The following DPP6 variants were observed in gnomAD, a reference collection of about 807,000 sequenced individuals.
DPP6 encodes A-type potassium channel modulatory protein DPP6.
In DPP6, 69 loss-of-function variants were observed where a neutral mutation model predicts 122.6. The observed-to-expected ratio is 0.56, with a 90% confidence interval of 0.46 to 0.69. DPP6 has a LOEUF of 0.69. DPP6 is among the 30% of genes least tolerant of loss of function. DPP6 has a pLI of 0.00. For synonymous variants in DPP6, 418 were observed against 433.1 expected (o/e 0.97, Z 0.43); for missense variants, 928 against 1,116.9 (o/e 0.83, Z 2.41).
chr7:154,805,484 A>G (rs969591634), intron 15 of DPP6, among the ~76,000 whole-genome samples: 2 of 151,078 alleles, frequency 1.3e-5, no homozygotes, highest in Non-Finnish European at 3.0e-5. Context: ...ATTTGGGATC[A>G]GGGTAGGTAA....
At chr7:153,842,394 A>T in the DPP6 span, among the ~76,000 whole-genome samples, 1 of 152,188 alleles carries the variant, frequency 6.6e-6, no homozygotes, top group African/African-American at 2.4e-5. Context: ...GTTATAATTC[A>T]ATATTCCTGT....
chr7:154,771,873 G>T (rs1313952360), intron 9 of DPP6, among the ~76,000 whole-genome samples: 1 of 152,186 alleles, frequency 6.6e-6, no homozygotes, highest in Non-Finnish European at 1.5e-5. Context: ...AAGTGTATGG[G>T]ACTGATGCTA....
At chr7:154,009,380 G>C (rs1255950979) in intron 1 of DPP6, among the ~76,000 whole-genome samples, 1 of 122,942 alleles carries the variant, frequency 8.1e-6, no homozygotes. Flanking sequence ...ACAGGGTTTA[G>C]CCAGCGCTCA....
Position 154,457,985 on chromosome 7 carries a change from AAAG to A in DPP6, c.358+11661_358+11663del, listed in dbSNP as rs1440880988. ...CTTAGAGTATAATAAAAAAAAAAAA[AAAG>A]AAGGAAATAGAGGGAGATTTGACAC... On this transcript the variant is annotated intron_variant, in intron 2 of 25. Transcript: ENST00000377770. 2.7e-4 allele frequency among the ~76,000 whole-genome samples: 5 copies of A among 18,768 alleles called. No individual in the cohort carries two copies. The Admixed American group carries it at 3.1e-3, about 12-fold the overall frequency. 12.3% of individuals were successfully genotyped at this position (18,768 alleles called of 152,430 possible). A position where few individuals can be genotyped will look rare whatever the true frequency, so the allele number is the denominator to read the frequency against.
chr7:153,918,486 TCTC>T (rs1336469129), intron 1 of DPP6, among the ~76,000 whole-genome samples: 3 of 133,216 alleles, frequency 2.3e-5, no homozygotes, highest in African/African-American at 8.6e-5. Context: ...TCTCTCTCTC[TCTC>T]TTTTTCTGCC....
chr7:153,826,088 G>A, the DPP6 span, among the ~76,000 whole-genome samples: 1 of 152,220 alleles, frequency 6.6e-6, no homozygotes, highest in Non-Finnish European at 1.5e-5. Flanking sequence ...AGAGAAGACA[G>A]CACATTGACT....
rs937457706 is a variant in DPP6, at chr7:154,569,176, T to G, written c.627+2260T>G. 4.6e-5 allele frequency among the ~76,000 whole-genome samples: 7 copies of G among 151,940 alleles called. 1 individual carries two copies. Among genetic ancestry groups the G allele is most frequent in the African/African-American group, 1.7e-4 (7 of 41,244 alleles). On this transcript the variant is annotated intron_variant, in intron 5 of 25. Transcript: ENST00000377770. ...GGAAGATCTTCCTAACTAGATAAACTAAAATGTAAGTAATTTTAGAAAAGG... is the reference window on the plus strand; with the variant it reads ...GGAAGATCTTCCTAACTAGATAAACGAAAATGTAAGTAATTTTAGAAAAGG...
At chr7:154,774,085 G>C (rs528161913) in intron 10 of DPP6, among the ~76,000 whole-genome samples, 9 of 152,316 alleles carry the variant, frequency 5.9e-5, no homozygotes, top group African/African-American at 1.9e-4. Flanking sequence ...TAGGAAGCGT[G>C]AGGCACTGCC....
intron 1 of DPP6, among the ~76,000 whole-genome samples, chr7:154,325,333 T>A (rs1350933071): frequency 6.6e-6 from 1 of 152,178 alleles, no homozygotes; most frequent in East Asian, 1.9e-4. Flanking sequence ...ATGTAGGGCC[T>A]ATATAGCAAA....
chr7:153,820,123 A>C, the DPP6 span, among the ~76,000 whole-genome samples: 2 of 152,184 alleles, frequency 1.3e-5, no homozygotes, highest in Non-Finnish European at 2.9e-5. Context: ...AGGAAGGAGA[A>C]TCTCCTTTCC....
At chr7:154,272,170 T>A (rs940484558) in intron 1 of DPP6, among the ~76,000 whole-genome samples, 6 of 152,246 alleles carry the variant, frequency 3.9e-5, no homozygotes, top group African/African-American at 1.4e-4. Context: ...GAACTGAGCT[T>A]CTACCTAAGC....
intron 1 of DPP6, among the ~76,000 whole-genome samples, chr7:154,372,558 T>G (rs1812767045): frequency 6.6e-6 from 1 of 152,172 alleles, no homozygotes; most frequent in African/African-American, 2.4e-5. Flanking sequence ...TATTCAGATA[T>G]GAAGTCAAGA....
chr7:154,769,457 G>A lies in DPP6; in HGVS notation c.924G>A (p.Pro308=), dbSNP rs373336654. ...LKTHIAHWWS[P]DGTRLAYAAI... is the part of the protein sequence containing the mutation. ...CACACATCGCACACTGGTGGTCTCC[G>A]GATGGCACGAGACTCGCCTACGCCG... is the stretch of plus-strand genomic sequence containing the variant. Residue 308 remains proline, a synonymous_variant, in exon 9 of 26, where the codon CCG becomes CCA. Coordinates refer to ENST00000377770, the MANE Select transcript of DPP6 (RefSeq NM_130797.4). The A allele has an allele frequency of 4.5e-5, 72 of 1,613,422 alleles. No individual in the cohort carries two copies. The highest frequency in any genetic ancestry group is 3.4e-4 in the Middle Eastern group (2 of 5,962).
chr7:154,790,251 T>C (rs1386003833), intron 10 of DPP6, among the ~76,000 whole-genome samples: 1 of 152,154 alleles, frequency 6.6e-6, no homozygotes, highest in Non-Finnish European at 1.5e-5. Context: ...CTGATGCAAC[T>C]CATGGACTTA....
intron 1 of DPP6, among the ~76,000 whole-genome samples, chr7:153,943,350 G>C (rs1403065596): frequency 6.6e-6 from 1 of 152,200 alleles, no homozygotes; most frequent in Admixed American, 6.5e-5. Context: ...ATGTCCGAGA[G>C]AGTGACTTGT....
intron 1 of DPP6, among the ~76,000 whole-genome samples, chr7:154,153,925 A>G (rs998527537): frequency 1.2e-4 from 18 of 152,170 alleles, no homozygotes; most frequent in Admixed American, 1.0e-3. Context: ...CTCAAACCCA[A>G]TGACACCAAC....
the DPP6 span, among the ~76,000 whole-genome samples, chr7:153,757,314 A>T: frequency 0.033 from 4,962 of 151,596 alleles, no homozygotes; most frequent in African/African-American, 0.052. Flanking sequence ...GAGACATTTT[A>T]AAATTACATC....
chr7:154,278,197 G>A (rs1191775782), intron 1 of DPP6, among the ~76,000 whole-genome samples: 1 of 152,190 alleles, frequency 6.6e-6, no homozygotes. Context: ...TAAGTTGAGA[G>A]GAGTCCCGAC....
At position 154,063,083 on chromosome 7, in the gene DPP6, C is replaced by T. The variant is rs566131380; in HGVS notation, c.243+10020C>T. On this transcript the variant is annotated intron_variant, in intron 1 of 25. Coordinates refer to ENST00000377770, the MANE Select transcript of DPP6 (RefSeq NM_130797.4). ...GAGTGGGGACTGAGAGCTATCCCCT[C>T]TTCCGCCCCTGGCTGTTAGTACCCC... is the stretch of plus-strand genomic sequence containing the variant. Among the ~76,000 whole-genome samples, 25 of 125,726 alleles carry T rather than the reference C, an allele frequency of 2.0e-4. 3 individuals are homozygous for T. Among genetic ancestry groups the T allele is most frequent in the East Asian group, 4.7e-4 (2 of 4,290 alleles). 82.5% of individuals were successfully genotyped at this position (125,726 alleles called of 152,430 possible).
Sources: gnomAD v4.1 joint callset for allele counts (sites outside exome capture counted in the v4.1 genomes callset) on GRCh38, gnomAD v4.1.1 for gene constraint, MANE v1.5 for transcripts, NCBI Gene and HGNC (gene_info 2026-07-23, HGNC 2026-07-21) for gene names.